Variants in GUCY1A2 observed in about 807,000 individuals in gnomAD.
GUCY1A2 encodes the protein guanylate cyclase soluble subunit alpha-2.
Under a neutral mutation model 63.5 loss-of-function variants are expected in GUCY1A2, and 27 were observed. The ratio of observed to expected loss-of-function variants is 0.43; its 90% CI spans 0.31 to 0.59. GUCY1A2 has a LOEUF of 0.59. GUCY1A2 is among the 20% of genes least tolerant of loss of function. The pLI, the probability that GUCY1A2 is intolerant of heterozygous loss-of-function variation, is 0.11. For synonymous variants in GUCY1A2, 364 were observed against 343.5 expected, an observed-to-expected ratio of 1.06 and a Z score of -0.66; for missense variants, 768 against 913.3, an observed-to-expected ratio of 0.84 and a Z score of 2.05.
intron 1 of GUCY1A2, among the ~76,000 whole-genome samples, chr11:107,012,665 G>T (rs1427455246): frequency 1.3e-5 from 2 of 152,116 alleles, no homozygotes; most frequent in African/African-American, 4.8e-5. Context: ...AATGATTGGG[G>T]ATAAGGTAAA....
intron 4 of GUCY1A2, among the ~76,000 whole-genome samples, chr11:106,873,564 CT>C (rs931154165): frequency 1.3e-5 from 2 of 152,068 alleles, no homozygotes; most frequent in African/African-American, 4.8e-5. Context: ...ACGTACATGT[CT>C]TTTTTTGAGA....
At chr11:106,762,753 A>C (rs562063323) in intron 6 of GUCY1A2, among the ~76,000 whole-genome samples, 1 of 152,166 alleles carries the variant, frequency 6.6e-6, no homozygotes, top group Non-Finnish European at 1.5e-5. Flanking sequence ...CTTTACAGTG[A>C]TGATTTGGGA....
At chr11:106,983,140 GA>G (rs745578716) in intron 2 of GUCY1A2, among the ~76,000 whole-genome samples, 6 of 152,200 alleles carry the variant, frequency 3.9e-5, no homozygotes, top group Admixed American at 6.5e-5. Context: ...TTGCTGTGGT[GA>G]AAATACATAT....
chr11:107,018,009 G>C lies in GUCY1A2; in HGVS notation c.47C>G (p.Ser16Cys). The C allele has an allele frequency of 6.8e-7, 1 of 1,474,310 alleles. No individual in the cohort carries two copies. Among genetic ancestry groups the C allele is most frequent in the Non-Finnish European group, 9.1e-7 (1 of 1,101,934 alleles). The allele number at this position is 1,474,310 out of a possible 1,614,324, so 91.3% of individuals were successfully genotyped here. ...CTCCGGGCTGGTCTCCAGGTAGTCG[G>C]AGCCCAGGGAGCTGAAGGACTCGGA... ...ISSESFSSLGSDYLETSPEEE... is the reference protein window; with the variant it reads ...ISSESFSSLGCDYLETSPEEE... Residue 16 changes from serine to cysteine, a missense_variant, in exon 1 of 8, where the codon TCC becomes TGC. By Grantham distance (112) the Ser-to-Cys change is moderately radical (BLOSUM62 -1). Transcript: ENST00000526355.
In GUCY1A2 at chr11:106,708,614, C is replaced by T. The variant is rs771090233; in HGVS notation, c.1889G>A (p.Arg630Gln). 4.7e-5 allele frequency: 76 copies of T among 1,611,980 alleles called. No individual in the cohort carries two copies. The highest frequency in any genetic ancestry group is 1.1e-4 in the South Asian group (10 of 90,920). The part of the protein sequence containing the change: ...GSVLAGVVGV[R>Q]MPRYCLFGNN... ...TCCAAACAGGCAATAACGTGGCATT[C>T]GCACCCCAACAACTCCAGCCAGCAC... The change falls in exon 7 of 8, where the codon CGA becomes CAA. Residue 630 changes from arginine (R) to glutamine (Q), a missense_variant. Arg to Gln is a conservative substitution (Grantham distance 43). This residue lies in a region of GUCY1A2 where 150 missense variants were observed against 188.3 expected (regional missense o/e 0.80). Coordinates refer to ENST00000526355, the MANE Select transcript of GUCY1A2 (RefSeq NM_000855.3).
chr11:106,871,460 T>C (rs572222748), intron 4 of GUCY1A2, among the ~76,000 whole-genome samples: 7 of 152,250 alleles, frequency 4.6e-5, no homozygotes, highest in Non-Finnish European at 7.4e-5. Flanking sequence ...CTCTCTTAAC[T>C]TCCAGTATTG....
chr11:106,870,661 C>A (rs1301680571), intron 4 of GUCY1A2, among the ~76,000 whole-genome samples: 1 of 152,034 alleles, frequency 6.6e-6, no homozygotes, highest in Non-Finnish European at 1.5e-5. Flanking sequence ...CAAGATCTCT[C>A]AATAAACAGC....
At chr11:106,735,996 T>A (rs1863583358) in intron 6 of GUCY1A2, among the ~76,000 whole-genome samples, 1 of 152,094 alleles carries the variant, frequency 6.6e-6, no homozygotes, top group Non-Finnish European at 1.5e-5. Flanking sequence ...TTTTTCCTAT[T>A]GAGTTGTTTG....
intron 3 of GUCY1A2, among the ~76,000 whole-genome samples, chr11:106,964,991 A>G (rs1173385271): frequency 1.3e-5 from 2 of 152,110 alleles, no homozygotes; most frequent in African/African-American, 4.8e-5. Context: ...AAAAAAGAAA[A>G]ATATATATTT....
chr11:106,765,348 G>A (rs1864144630), intron 6 of GUCY1A2, among the ~76,000 whole-genome samples: 1 of 151,908 alleles, frequency 6.6e-6, no homozygotes, highest in African/African-American at 2.4e-5. Flanking sequence ...CAAACCTCTC[G>A]ATGTTAAGGT....
chr11:106,699,004 C>A (rs1212703326), intron 7 of GUCY1A2, among the ~76,000 whole-genome samples: 1 of 152,146 alleles, frequency 6.6e-6, no homozygotes, highest in East Asian at 1.9e-4. Flanking sequence ...CATAAACACA[C>A]TAATCATAAG....
intron 4 of GUCY1A2, among the ~76,000 whole-genome samples, chr11:106,856,435 C>A (rs1317727120): frequency 6.7e-6 from 1 of 150,216 alleles, no homozygotes; most frequent in East Asian, 1.9e-4. Context: ...CTTTTTTTTT[C>A]TGAATCTGAA....
chr11:106,970,656 C>G (rs1041759929), intron 3 of GUCY1A2, among the ~76,000 whole-genome samples: 2 of 152,172 alleles, frequency 1.3e-5, no homozygotes, highest in African/African-American at 4.8e-5. Flanking sequence ...GGCTCAGCCA[C>G]TTTGTAAGAC....
At position 106,939,567 on chromosome 11, in the gene GUCY1A2, C is replaced by T. The variant is rs1860723693; in HGVS notation, c.1099G>A (p.Val367Ile). Residue 367 changes from valine to isoleucine, a missense_variant, in exon 4 of 8, where the codon GTA becomes ATA. By Grantham distance (29) the Val-to-Ile change is conservative. This residue lies in a region of GUCY1A2 where 496 missense variants were observed against 486.9 expected (regional missense o/e 1.02). Transcript: ENST00000526355. ...VLKFEDCFEI[V>I]SPKVNATFER... ...AAGGTGGCATTAACCTTTGGAGATA[C>T]AATCTCGAAGCAGTCCTCAAACTTG... is the stretch of plus-strand genomic sequence containing the variant. The T allele has an allele frequency of 1.2e-6, 2 of 1,613,720 alleles. No individual in the cohort carries two copies. Among genetic ancestry groups the T allele is most frequent in the Non-Finnish European group, 1.7e-6 (2 of 1,179,720 alleles).
At position 106,769,776 on chromosome 11, in the gene GUCY1A2, T is replaced by A. The variant is rs146395597; in HGVS notation, c.1836+6663A>T. Among the ~76,000 whole-genome samples the A allele has an allele frequency of 6.3e-3, 959 of 152,220 alleles. 12 individuals carry two copies. The highest frequency in any genetic ancestry group is 0.022 in the African/African-American group (906 of 41,566). On this transcript the variant is annotated intron_variant, in intron 6 of 7. Coordinates refer to ENST00000526355, the MANE Select transcript of GUCY1A2 (RefSeq NM_000855.3). The stretch of plus-strand genomic sequence containing the variant: ...ACTCCTAATTGATAAATGTGAGAAA[T>A]GAGGATAACTGGGATCAGTATCTTA...
rs1324151053 is a variant in GUCY1A2, at chr11:106,685,036, T to G, written c.*2513A>C. On this transcript the variant is annotated 3_prime_UTR_variant, in exon 8 of 8. Coordinates refer to ENST00000526355, the MANE Select transcript of GUCY1A2 (RefSeq NM_000855.3). The stretch of plus-strand genomic sequence containing the variant: ...TACCTCATAAACATATATAGCAACA[T>G]TGTAACTACAATAATCAACTATAAT... 4.9e-6 allele frequency: 1 copy of G among 204,920 alleles called. No homozygotes were observed. Among genetic ancestry groups the G allele is most frequent in the Non-Finnish European group, 1.0e-5 (1 of 100,218 alleles). The allele number at this position is 204,920 out of a possible 1,614,324, so 12.7% of individuals were successfully genotyped here. A position where few individuals can be genotyped will look rare whatever the true frequency, so the allele number is the denominator to read the frequency against.
In GUCY1A2 at chr11:107,018,091, G is replaced by A; in HGVS notation, c.-36C>T. ...GAGCTGCAGCGGCCGAGGCGGTGGC[G>A]GCGAGGACGCGAGCGGCGGCGGAGG... On this transcript the variant is annotated 5_prime_UTR_variant, in exon 1 of 8. Coordinates refer to ENST00000526355, the MANE Select transcript of GUCY1A2 (RefSeq NM_000855.3). 3 of 1,375,994 alleles carry A rather than the reference G, an allele frequency of 2.2e-6. No homozygotes were observed. Among genetic ancestry groups the A allele is most frequent in the Middle Eastern group, 2.1e-4 (1 of 4,686 alleles). The allele number at this position is 1,375,994 out of a possible 1,614,324, so 85.2% of individuals were successfully genotyped here.
chr11:106,822,670 C>A (rs1482723823), intron 4 of GUCY1A2, among the ~76,000 whole-genome samples: 3 of 152,110 alleles, frequency 2.0e-5, no homozygotes, highest in African/African-American at 7.2e-5. Context: ...TCCAGCTGAA[C>A]AATTTGAATA....
intron 4 of GUCY1A2, among the ~76,000 whole-genome samples, chr11:106,838,986 T>C (rs1859155888): frequency 6.6e-6 from 1 of 152,106 alleles, no homozygotes; most frequent in Non-Finnish European, 1.5e-5. Flanking sequence ...TTTAATTAGA[T>C]CCCATTTGTC....
Sources: allele counts gnomAD v4.1 joint callset (sites outside exome capture counted in the v4.1 genomes callset), GRCh38; gene constraint gnomAD v4.1.1; regional missense constraint gnomAD v4.1.1; transcripts MANE v1.5; gene names NCBI Gene and HGNC (gene_info 2026-07-23, HGNC 2026-07-21).